The following PREX2 variants were observed in gnomAD, a reference collection of about 807,000 sequenced individuals.
PREX2 encodes phosphatidylinositol 3,4,5-trisphosphate-dependent Rac exchanger 2 protein.
PREX2 carries 107 observed loss-of-function variants against 203.2 expected under a neutral mutation model. That is an observed-to-expected ratio of 0.53 (90% CI 0.45 to 0.62). The LOEUF is 0.62. PREX2 is among the 20% of genes least tolerant of loss of function. The pLI, the probability that PREX2 is intolerant of heterozygous loss-of-function variation, is 0.00. For missense variants in PREX2, 1,777 were observed against 1,955.9 expected (o/e 0.91, Z 1.72); for synonymous variants, 672 against 663.6 (o/e 1.01, Z -0.19).
At chr8:68,105,677 T>G in intron 23 of PREX2, 7 of 273,162 alleles carry the variant, frequency 2.6e-5, no homozygotes, top group Non-Finnish European at 2.8e-5. Flanking sequence ...CATATATATA[T>G]GGATTATATA....
intron 35 of PREX2, among the ~76,000 whole-genome samples, chr8:68,158,938 G>A (rs879320845): frequency 7.9e-5 from 12 of 152,044 alleles, no homozygotes; most frequent in African/African-American, 1.7e-4. Context: ...TTGTTGAATC[G>A]TAGCTAGACT....
chr8:67,963,511 G>C (rs1304585905), intron 1 of PREX2, among the ~76,000 whole-genome samples: 1 of 151,968 alleles, frequency 6.6e-6, no homozygotes, highest in Non-Finnish European at 1.5e-5. Context: ...GCCAACTTTA[G>C]TATCTTTTTT....
intron 7 of PREX2, 119 bp downstream of exon 7, chr8:68,038,411 A>G: frequency 9.9e-7 from 1 of 1,009,898 alleles, no homozygotes. Context: ...TGCTTCCCAG[A>G]GCCCATCATC....
chr8:68,089,232 T>G (rs141241747), intron 19 of PREX2, among the ~76,000 whole-genome samples: 69,952 of 151,248 alleles, frequency 0.46, 16,635 homozygotes, highest in African/African-American at 0.56. Flanking sequence ...CTGTCATGGT[T>G]ATTGAATTAG....
intron 37 of PREX2, among the ~76,000 whole-genome samples, chr8:68,207,138 A>AAT (rs948022923): frequency 9.2e-5 from 14 of 152,082 alleles, no homozygotes; most frequent in East Asian, 1.9e-4. Context: ...AGTATGCTCT[A>AAT]ATATATATAT....
At chr8:67,998,445 C>G (rs1806835098) in intron 1 of PREX2, among the ~76,000 whole-genome samples, 1 of 152,180 alleles carries the variant, frequency 6.6e-6, no homozygotes, top group Admixed American at 6.5e-5. Flanking sequence ...ATCTAGGACT[C>G]TTTGGAATTC....
intron 33 of PREX2, 38 bp from the exon 34 acceptor site, chr8:68,146,171 T>G: frequency 6.8e-7 from 1 of 1,463,336 alleles, no homozygotes; most frequent in South Asian, 1.2e-5. Flanking sequence ...AGCATATCCT[T>G]ATTTTAGGAA....
chr8:68,212,632 T>G lies in PREX2; in HGVS notation c.4605-4984T>G, dbSNP rs148345759. Reference sequence around the variant, plus strand: ...GTTACTTTATGAACTGCCCCACTTCTGTACATTTTTTCTCCACAATTTTTG... The same window carrying G: ...GTTACTTTATGAACTGCCCCACTTCGGTACATTTTTTCTCCACAATTTTTG... On this transcript the variant is annotated intron_variant, in intron 37 of 39. Coordinates refer to ENST00000288368, the MANE Select transcript of PREX2 (RefSeq NM_024870.4). 1.7e-3 allele frequency among the ~76,000 whole-genome samples: 266 copies of G among 152,352 alleles called. 2 individuals carry two copies. Among genetic ancestry groups the G allele is most frequent in the African/African-American group, 6.1e-3 (253 of 41,584 alleles).
intron 39 of PREX2, among the ~76,000 whole-genome samples, chr8:68,225,099 T>G (rs1223065182): frequency 6.6e-6 from 1 of 152,202 alleles, no homozygotes; most frequent in East Asian, 1.9e-4. Context: ...CATATTGACC[T>G]ATGATAAACT....
rs1049636792 is a variant in PREX2 at position 68,118,715 on chromosome 8, T to C, written c.3421+71T>C. 3.5e-5 allele frequency: 38 copies of C among 1,076,918 alleles called. No homozygotes were observed. In the African/African-American group the frequency reaches 5.1e-4, roughly 15 times the overall value. The allele number at this position is 1,076,918 out of a possible 1,614,324, so 66.7% of individuals were successfully genotyped here. ...ATAGGAGATAACTTTAAGGTTTTAA[T>C]TTCGTAGATCCATATGAATTTTTAT... On this transcript the variant is annotated intron_variant, in intron 27 of 39. Transcript: ENST00000288368.
At chr8:68,121,154 C>T (rs1204328060) in intron 30 of PREX2, 105 bp downstream of exon 30, 6 of 1,190,008 alleles carry the variant, frequency 5.0e-6, no homozygotes, top group East Asian at 4.8e-5. Context: ...TGCAGTGTTT[C>T]CTTTTGTGAA....
At position 68,099,609 on chromosome 8, in the gene PREX2, G is replaced by A. The variant is rs145965029; in HGVS notation, c.2554-73G>A. 1.1e-3 allele frequency: 1,523 copies of A among 1,407,224 alleles called. 2 individuals are homozygous for A. The highest frequency in any genetic ancestry group is 1.4e-3 in the Non-Finnish European group (1,400 of 1,034,024). 87.2% of individuals were successfully genotyped at this position (1,407,224 alleles called of 1,614,324 possible). A position where few individuals can be genotyped will look rare whatever the true frequency, so the allele number is the denominator to read the frequency against. On this transcript the variant is annotated intron_variant, in intron 22 of 39. Coordinates refer to ENST00000288368, the MANE Select transcript of PREX2 (RefSeq NM_024870.4). Reference sequence around the variant, plus strand: ...CTTTTGAAGTTTTTCTTCTTGTTTCGTTTTGTTTTTCTATGTGTGTGTCTG... The same window carrying A: ...CTTTTGAAGTTTTTCTTCTTGTTTCATTTTGTTTTTCTATGTGTGTGTCTG...
intron 37 of PREX2, among the ~76,000 whole-genome samples, chr8:68,206,917 G>T (rs2129615026): frequency 6.6e-6 from 1 of 152,208 alleles, no homozygotes; most frequent in Non-Finnish European, 1.5e-5. Context: ...ATGAAAACAA[G>T]AAAATATAGT....
At chr8:67,965,337 T>G (rs898970133) in intron 1 of PREX2, among the ~76,000 whole-genome samples, 3 of 152,218 alleles carry the variant, frequency 2.0e-5, no homozygotes, top group Non-Finnish European at 4.4e-5. Flanking sequence ...ATTTTGGATC[T>G]CTGTGTATTT....
chr8:68,061,252 A>T (rs143007593), intron 11 of PREX2, among the ~76,000 whole-genome samples: 1 of 152,232 alleles, frequency 6.6e-6, no homozygotes, highest in Non-Finnish European at 1.5e-5. Context: ...ACGTGGGTCC[A>T]TGGATGAACA....
intron 35 of PREX2, among the ~76,000 whole-genome samples, chr8:68,183,203 G>A (rs1302770347): frequency 6.6e-6 from 1 of 152,090 alleles, no homozygotes; most frequent in African/African-American, 2.4e-5. Flanking sequence ...GAGATAGATT[G>A]GAGTTAAATA....
At chr8:68,052,967 T>C in intron 8 of PREX2, 130 bp from the exon 9 acceptor site, 1 of 732,758 alleles carries the variant, frequency 1.4e-6, no homozygotes. Flanking sequence ...TTTTTCAATA[T>C]ACATATGTAA....
chr8:68,001,632 GAT>G (rs1806939624), intron 1 of PREX2, among the ~76,000 whole-genome samples: 1 of 152,058 alleles, frequency 6.6e-6, no homozygotes, highest in African/African-American at 2.4e-5. Flanking sequence ...CTACCATAAA[GAT>G]ACGTGCACAT....
intron 1 of PREX2, among the ~76,000 whole-genome samples, chr8:67,954,870 T>C (rs1805449776): frequency 6.6e-6 from 1 of 152,078 alleles, no homozygotes; most frequent in Non-Finnish European, 1.5e-5. Context: ...TATTACTAGC[T>C]TTATAAAAAG....
Sources: gnomAD v4.1 joint callset for allele counts (sites outside exome capture counted in the v4.1 genomes callset) on GRCh38, gnomAD v4.1.1 for gene constraint, MANE v1.5 for transcripts, NCBI Gene and HGNC (gene_info 2026-07-23, HGNC 2026-07-21) for gene names.